The following ARPC2 variants were observed in gnomAD, a reference collection of about 807,000 sequenced individuals.
ARPC2 encodes the protein actin-related protein 2/3 complex subunit 2.
A neutral mutation model predicts 38.6 loss-of-function variants in ARPC2; 4 were observed. That is an observed-to-expected ratio of 0.10 (90% CI 0.05 to 0.24). The LOEUF (loss-of-function observed/expected upper bound fraction) is 0.24, where lower values mean the gene tolerates loss of function less well. Among genes scored for constraint, ARPC2 ranks in the 10% least tolerant of loss-of-function variants. The pLI, the probability that ARPC2 is intolerant of heterozygous loss-of-function variation, is 1.00. For synonymous variants in ARPC2, 125 were observed against 140.8 expected, an observed-to-expected ratio of 0.89 and a Z score of 0.79; for missense variants, 229 against 387.3, an observed-to-expected ratio of 0.59 and a Z score of 3.43.
chr2:218,242,977 G>A (rs9679606), intron 7 of ARPC2, among the ~76,000 whole-genome samples: 138,492 of 152,230 alleles, frequency 0.91, 64,307 homozygotes, highest in East Asian at 1. Context: ...AAATTAATCA[G>A]TCTTGCCTTT....
chr2:218,219,920 G>A (rs922019602), intron 2 of ARPC2, among the ~76,000 whole-genome samples: 3 of 152,154 alleles, frequency 2.0e-5, no homozygotes, highest in African/African-American at 4.8e-5. Flanking sequence ...GTAGAAGCCC[G>A]AATGAAGCAA....
chr2:218,243,502 G>C (rs1265937686), intron 7 of ARPC2, among the ~76,000 whole-genome samples: 2 of 152,202 alleles, frequency 1.3e-5, no homozygotes, highest in African/African-American at 4.8e-5. Context: ...TCCCAGTCAG[G>C]CACAGTGGCT....
intron 5 of ARPC2, 48 bp from the exon 6 acceptor site, chr2:218,238,616 T>C: frequency 1.2e-6 from 1 of 829,800 alleles, no homozygotes; most frequent in Non-Finnish European, 1.8e-6. Context: ...TTTTTTTAAA[T>C]GTAACTGCTG....
rs114701149 is a variant in ARPC2 at position 218,242,125 on chromosome 2, T to C, written c.549+2641T>C. ...TCCAGCCTGATCAGAATTCAAGTCT[T>C]GCTTTTGTCATTTGGCAAGCAGGCT... is the stretch of plus-strand genomic sequence containing the variant. On this transcript the variant is annotated intron_variant, in intron 7 of 10. Coordinates refer to ENST00000315717, the MANE Select transcript of ARPC2 (RefSeq NM_152862.3). Among the ~76,000 whole-genome samples the C allele has an allele frequency of 8.2e-3, 1,249 of 152,304 alleles. 13 individuals are homozygous for C. Among genetic ancestry groups the C allele is most frequent in the African/African-American group, 0.026 (1,068 of 41,570 alleles).
chr2:218,221,092 GAGA>G (rs1348335992), intron 2 of ARPC2, among the ~76,000 whole-genome samples: 1 of 152,192 alleles, frequency 6.6e-6, no homozygotes, highest in Non-Finnish European at 1.5e-5. Context: ...TTTCATAACT[GAGA>G]AGCTAGGCCT....
chr2:218,241,042 A>G (rs557664911), intron 7 of ARPC2, among the ~76,000 whole-genome samples: 1 of 152,340 alleles, frequency 6.6e-6, no homozygotes, highest in African/African-American at 2.4e-5. Context: ...AGTGACATTC[A>G]GGCTGGTTTC....
intron 6 of ARPC2, chr2:218,239,102 A>G (rs1042331135): frequency 2.5e-5 from 14 of 564,500 alleles, no homozygotes; most frequent in Non-Finnish European, 3.8e-5. Context: ...GTTCTGAGTC[A>G]TGTTTAAGAG....
intron 10 of ARPC2, among the ~76,000 whole-genome samples, chr2:218,251,240 T>C (rs1214459385): frequency 6.6e-6 from 1 of 151,946 alleles, no homozygotes; most frequent in African/African-American, 2.4e-5. Flanking sequence ...ATACAGAGTT[T>C]CGCTCTTGAA....
chr2:218,233,685 T>C (rs1559478899), intron 4 of ARPC2: 2 of 151,882 alleles, frequency 1.3e-5, no homozygotes, highest in Non-Finnish European at 2.9e-5. Flanking sequence ...TTTTTCTCTT[T>C]ATTCACCTGG....
Position 218,217,490 on chromosome 2 carries a change from A to G in ARPC2, c.20A>G (p.Asn7Ser). 1 of 1,613,844 alleles carries G rather than the reference A, an allele frequency of 6.2e-7. No individual in the cohort carries two copies. The highest frequency in any genetic ancestry group is 8.5e-7 in the Non-Finnish European group (1 of 1,179,866). ...GCCGCCATGATCCTGCTGGAGGTGA[A>G]CAACCGCATCATCGAGGAGACGCTC... MILLEV[N>S]NRIIEETLAL... The change falls in exon 2 of 11, where the codon AAC becomes AGC. Residue 7 changes from asparagine (N) to serine (S), a missense_variant. Around this residue, in one of 3 missense-constraint regions of ARPC2, gnomAD observed 135 missense variants for 214.1 expected, o/e 0.63. Transcript: ENST00000315717.
At position 218,238,822 on chromosome 2, in the gene ARPC2, G is replaced by A. The variant is rs984436737; in HGVS notation, c.427G>A (p.Val143Ile). The change falls in exon 6 of 11, where the codon GTT becomes ATT. Residue 143 changes from valine to isoleucine, a missense_variant. Transcript: ENST00000315717. ...GGGCAAGGAAGGAGAGAACAGGGCA[G>A]TTATCCATTATAGGGATGATGAGAC... ...EEGKEGENRA[V>I]IHYRDDETMY... The A allele has an allele frequency of 2.5e-6, 4 of 1,613,536 alleles. No individual in the cohort carries two copies. Among genetic ancestry groups the A allele is most frequent in the Non-Finnish European group, 3.4e-6 (4 of 1,179,758 alleles).
At chr2:218,221,456 G>A (rs1372111723) in intron 2 of ARPC2, among the ~76,000 whole-genome samples, 23 of 152,218 alleles carry the variant, frequency 1.5e-4, no homozygotes, top group Admixed American at 1.5e-3. Context: ...AACTCAGTAA[G>A]AAGACCTGGT....
chr2:218,234,567 C>A, intron 5 of ARPC2, 170 bp downstream of exon 5: 1 of 606,704 alleles, frequency 1.6e-6, no homozygotes, highest in Non-Finnish European at 2.9e-6. Flanking sequence ...AGGGGCTTTG[C>A]TTTGTCCAAT....
chr2:218,248,755 C>T, intron 8 of ARPC2, among the ~76,000 whole-genome samples: 1 of 152,216 alleles, frequency 6.6e-6, no homozygotes, highest in East Asian at 1.9e-4. Context: ...AGCCATCGCG[C>T]CCAGCCTCAC....
chr2:218,226,158 TGG>T (rs1374140560), intron 3 of ARPC2, among the ~76,000 whole-genome samples: 112 of 151,922 alleles, frequency 7.4e-4, no homozygotes, highest in Non-Finnish European at 1.3e-3. Context: ...CCGGGCATGG[TGG>T]TGGGCACCTG....
chr2:218,249,984 G>A, intron 10 of ARPC2, 63 bp downstream of exon 10: 1 of 1,395,170 alleles, frequency 7.2e-7, no homozygotes, highest in South Asian at 1.3e-5. Flanking sequence ...GGAAGCAGTG[G>A]GCGCTGGTGG....
At chr2:218,228,424 G>A (rs1385693265) in intron 3 of ARPC2, among the ~76,000 whole-genome samples, 4 of 151,930 alleles carry the variant, frequency 2.6e-5, no homozygotes, top group Non-Finnish European at 4.4e-5. Context: ...AATCGTTGAA[G>A]CCTCATGATG....
intron 6 of ARPC2, 92 bp from the exon 7 acceptor site, chr2:218,239,299 G>T: frequency 1.2e-6 from 1 of 867,338 alleles, no homozygotes; most frequent in Non-Finnish European, 1.9e-6. Context: ...AGAGATTTAT[G>T]ACTTTAGCCT....
chr2:218,246,181 G>A (rs1574592932), intron 8 of ARPC2, among the ~76,000 whole-genome samples: 1 of 149,488 alleles, frequency 6.7e-6, no homozygotes, highest in Non-Finnish European at 1.5e-5. Context: ...CGTGCCACTG[G>A]ACTCCAGCCT....
Sources: allele counts gnomAD v4.1 joint callset (sites outside exome capture counted in the v4.1 genomes callset), GRCh38; gene constraint gnomAD v4.1.1; regional missense constraint gnomAD v4.1.1; transcripts MANE v1.5; gene names NCBI Gene and HGNC (gene_info 2026-07-23, HGNC 2026-07-21).